AGBL4: variants seen among roughly 807,000 people sequenced by gnomAD.
AGBL4 encodes cytosolic carboxypeptidase 6.
AGBL4 carries 58 observed loss-of-function variants against 66.4 expected under a neutral mutation model. The observed-to-expected ratio is 0.87, with a 90% CI of 0.71 to 1.09. The LOEUF is 1.09. AGBL4 is among the 50% of genes least tolerant of loss of function. The pLI is 0.00. For synonymous variants in AGBL4, 234 were observed against 222.9 expected (o/e 1.05, Z -0.44); for missense variants, 579 against 631.0 (o/e 0.92, Z 0.88).
intron 11 of AGBL4, among the ~76,000 whole-genome samples, chr1:48,581,340 C>T (rs1360034453): frequency 6.6e-6 from 1 of 152,186 alleles, no homozygotes; most frequent in South Asian, 2.1e-4. Context: ...CAGCCATACC[C>T]TTCCCCTTAA....
At chr1:49,369,770 G>A (rs1644305058) in intron 3 of AGBL4, among the ~76,000 whole-genome samples, 1 of 151,938 alleles carries the variant, frequency 6.6e-6, no homozygotes, top group Non-Finnish European at 1.5e-5. Flanking sequence ...TTCACGGCTG[G>A]GAATAGTTCA....
intron 3 of AGBL4, among the ~76,000 whole-genome samples, chr1:49,429,504 C>G (rs1295488505): frequency 6.6e-6 from 1 of 152,130 alleles, no homozygotes; most frequent in Non-Finnish European, 1.5e-5. Flanking sequence ...ATACTAAAAT[C>G]AGCTGCATAT....
intron 1 of AGBL4, among the ~76,000 whole-genome samples, chr1:49,903,484 C>T (rs1049990517): frequency 1.3e-5 from 2 of 151,834 alleles, no homozygotes; most frequent in Non-Finnish European, 2.9e-5. Context: ...CAAGTCTGCA[C>T]GTGTACTCCT....
intron 6 of AGBL4, among the ~76,000 whole-genome samples, chr1:48,773,693 G>A (rs575964463): frequency 6.6e-6 from 1 of 152,270 alleles, no homozygotes; most frequent in South Asian, 2.1e-4. Flanking sequence ...TTACAAAGGA[G>A]ACTGCCAAGT....
chr1:48,917,097 A>T (rs1326608170), intron 5 of AGBL4, among the ~76,000 whole-genome samples: 2 of 152,156 alleles, frequency 1.3e-5, no homozygotes, highest in African/African-American at 4.8e-5. Flanking sequence ...TCAAGTAGAA[A>T]ATATGTAGTT....
chr1:48,554,143 G>T (rs1345564566), intron 11 of AGBL4, among the ~76,000 whole-genome samples: 3 of 152,116 alleles, frequency 2.0e-5, no homozygotes, highest in Non-Finnish European at 4.4e-5. Flanking sequence ...TCCACTAAAG[G>T]GTTTGCTGGA....
At chr1:49,296,210 T>C (rs1644639940) in intron 3 of AGBL4, among the ~76,000 whole-genome samples, 1 of 152,174 alleles carries the variant, frequency 6.6e-6, no homozygotes, top group Non-Finnish European at 1.5e-5. Context: ...AATGCTGCAA[T>C]GTGAACATCA....
intron 4 of AGBL4, among the ~76,000 whole-genome samples, chr1:49,157,663 T>G (rs539358310): frequency 6.6e-6 from 1 of 152,318 alleles, no homozygotes; most frequent in Admixed American, 6.5e-5. Context: ...CACACTGTCC[T>G]CCACAATGGT....
chr1:49,258,943 C>A (rs954634394), intron 3 of AGBL4, among the ~76,000 whole-genome samples: 3 of 152,174 alleles, frequency 2.0e-5, no homozygotes, highest in Non-Finnish European at 4.4e-5. Context: ...GCCCATCAGA[C>A]TAAGAGCGGA....
intron 2 of AGBL4, among the ~76,000 whole-genome samples, chr1:49,733,146 G>A (rs1649586174): frequency 6.6e-6 from 1 of 152,132 alleles, no homozygotes; most frequent in African/African-American, 2.4e-5. Context: ...TCAGAATGCT[G>A]AAGGAAAACT....
At chr1:49,932,795 G>C (rs1653501623) in intron 1 of AGBL4, among the ~76,000 whole-genome samples, 1 of 152,026 alleles carries the variant, frequency 6.6e-6, no homozygotes, top group Non-Finnish European at 1.5e-5. Context: ...ATTCCCTAGA[G>C]AGCTTCTAAA....
At chr1:49,924,433 T>C (rs1385597116) in intron 1 of AGBL4, among the ~76,000 whole-genome samples, 1 of 152,082 alleles carries the variant, frequency 6.6e-6, no homozygotes, top group Non-Finnish European at 1.5e-5. Context: ...ACCCCTGAAC[T>C]TAAAAGTTTA....
chr1:49,676,289 CCAGTCTAGGACT>C (rs1450367157), intron 3 of AGBL4, among the ~76,000 whole-genome samples: 1 of 151,932 alleles, frequency 6.6e-6, no homozygotes, highest in African/African-American at 2.4e-5. Context: ...ACACTAAGTC[CCAGTCTAGGACT>C]CAGTCTGTAT....
At chr1:49,473,021 A>G (rs950626957) in intron 3 of AGBL4, among the ~76,000 whole-genome samples, 5 of 151,902 alleles carry the variant, frequency 3.3e-5, no homozygotes, top group Non-Finnish European at 1.5e-5. Context: ...TGGCTGTTGT[A>G]TATGTATCCT....
At position 49,300,888 on chromosome 1, in the gene AGBL4, C is replaced by T. The variant is rs144716571; in HGVS notation, c.283-55024G>A. 2.2e-4 allele frequency among the ~76,000 whole-genome samples: 33 copies of T among 152,262 alleles called. No homozygotes were observed. The East Asian group carries it at 5.6e-3, about 26-fold the overall frequency. On this transcript the variant is annotated intron_variant, in intron 3 of 13. Transcript: ENST00000371839. ...TTTGGTATGACCCTCCTGTAGGAAG[C>T]CTTTCCTGATCGTAAGCCATGGTTA... is the stretch of plus-strand genomic sequence containing the variant.
chr1:48,747,401 A>C (rs867287499), intron 6 of AGBL4, among the ~76,000 whole-genome samples: 4 of 152,244 alleles, frequency 2.6e-5, no homozygotes, highest in African/African-American at 9.6e-5. Context: ...CTTTTCATTC[A>C]ATCATTCATG....
intron 5 of AGBL4, among the ~76,000 whole-genome samples, chr1:48,926,308 C>T (rs181182757): frequency 1.5e-5 from 2 of 133,110 alleles, no homozygotes; most frequent in East Asian, 2.5e-4. Flanking sequence ...GAGGCAGAGT[C>T]TCACTCTGTT....
chr1:48,878,038 T>C (rs1649393234), intron 5 of AGBL4, among the ~76,000 whole-genome samples: 2 of 152,188 alleles, frequency 1.3e-5, no homozygotes, highest in Non-Finnish European at 2.9e-5. Flanking sequence ...CAAGAAATAT[T>C]ACTATAGTAA....
At chr1:50,023,714 G>C (rs1321336981) in intron 1 of AGBL4, 49 bp downstream of exon 1, 1 of 1,535,408 alleles carries the variant, frequency 6.5e-7, no homozygotes, top group Non-Finnish European at 8.8e-7. Flanking sequence ...CTGAGACCCA[G>C]GACAGCCTGG....
Sources: allele counts gnomAD v4.1 joint callset (sites outside exome capture counted in the v4.1 genomes callset), GRCh38; gene constraint gnomAD v4.1.1; transcripts MANE v1.5; gene names NCBI Gene and HGNC (gene_info 2026-07-23, HGNC 2026-07-21).